Variants in HEXD observed in about 807,000 individuals in gnomAD.
HEXD encodes N-acetyl-beta-galactosaminidase.
In HEXD, 47 loss-of-function variants were observed where a neutral mutation model predicts 54.2. The ratio of observed to expected loss-of-function variants is 0.87; its 90% CI spans 0.69 to 1.11. The LOEUF is 1.11. Among genes scored for constraint, HEXD ranks in the 50% least tolerant of loss-of-function variants. HEXD has a pLI of 0.00. For synonymous variants in HEXD, 293 were observed against 287.6 expected (o/e 1.02, Z -0.19); for missense variants, 576 against 649.2 (o/e 0.89, Z 1.23).
At chr17:82,433,592 A>C in intron 4 of HEXD, 66 bp from the exon 5 acceptor site, 2 of 1,425,106 alleles carry the variant, frequency 1.4e-6, no homozygotes, top group Admixed American at 5.6e-5. Flanking sequence ...CAGAAGCCCC[A>C]GGTGGGCAGA....
intron 8 of HEXD, among the ~76,000 whole-genome samples, chr17:82,438,412 C>T (rs977441810): frequency 6.6e-6 from 1 of 152,178 alleles, no homozygotes; most frequent in African/African-American, 2.4e-5. Context: ...TAAGCACTTC[C>T]TCAGCTGTAA....
rs1246534787 is a variant in HEXD, at chr17:82,433,104, A to G, written c.283-554A>G. 1.4e-4 allele frequency among the ~76,000 whole-genome samples: 2 copies of G among 13,912 alleles called. 1 individual carries two copies. 9.1% of individuals were successfully genotyped at this position (13,912 alleles called of 152,430 possible). On this transcript the variant is annotated intron_variant, in intron 4 of 12. Coordinates refer to ENST00000327949, the MANE Select transcript of HEXD (RefSeq NM_001330542.2). The stretch of plus-strand genomic sequence containing the variant: ...AAAAAAAAAAAAAATATATATATAT[A>G]TATATATATATATATATATATATAT...
intron 11 of HEXD, 127 bp downstream of exon 11, chr17:82,441,393 T>G: frequency 3.2e-6 from 3 of 924,100 alleles, no homozygotes; most frequent in Admixed American, 3.7e-5. Context: ...CGGGCAGGCA[T>G]GGGGCAGGTG....
At chr17:82,427,195 C>T (rs1471276989) in intron 3 of HEXD, 1 of 150,426 alleles carries the variant, frequency 6.6e-6, no homozygotes, top group South Asian at 2.1e-4. Flanking sequence ...CCCAGCTACT[C>T]AGGAGGCTGA....
intron 3 of HEXD, among the ~76,000 whole-genome samples, chr17:82,428,304 A>G: frequency 6.6e-6 from 1 of 152,132 alleles, no homozygotes; most frequent in East Asian, 1.9e-4. Flanking sequence ...TTCTTGTAAA[A>G]TGTGATGACT....
At chr17:82,440,228 C>T (rs1474340402) in intron 9 of HEXD, 3 of 1,289,250 alleles carry the variant, frequency 2.3e-6, no homozygotes, top group African/African-American at 3.0e-5. Flanking sequence ...TCGCAGGCCA[C>T]ACGGGAAATT....
At position 82,442,557 on chromosome 17, in the gene HEXD, A is replaced by C; in HGVS notation, c.*173A>C. 6.3e-7 allele frequency: 1 copy of C among 1,584,400 alleles called. No individual in the cohort carries two copies. The highest frequency in any genetic ancestry group is 8.6e-7 in the Non-Finnish European group (1 of 1,156,150). ...GCCCCTGGGGGAGAGACTAGAAAAC[A>C]CAGAAGGAAGCAGCACAGGGAGACC... On this transcript the variant is annotated 3_prime_UTR_variant, in exon 13 of 13. Transcript: ENST00000327949. The surrounding 1 kb of genome is among the most constrained non-coding windows in gnomAD (Gnocchi z 6.8).
At chr17:82,432,198 G>A (rs1164017516) in intron 4 of HEXD, among the ~76,000 whole-genome samples, 14 of 152,182 alleles carry the variant, frequency 9.2e-5, no homozygotes, top group Admixed American at 9.2e-4. Flanking sequence ...GGTTCGCGCA[G>A]TTCCCACCTG....
chr17:82,433,140 T>A (rs2053658190), intron 4 of HEXD, among the ~76,000 whole-genome samples: 2 of 42,646 alleles, frequency 4.7e-5, no homozygotes, highest in Non-Finnish European at 7.4e-5. Flanking sequence ...TTTTTTTTTT[T>A]TTTTATATAT....
At chr17:82,432,888 C>T (rs1032570065) in intron 4 of HEXD, among the ~76,000 whole-genome samples, 4 of 145,078 alleles carry the variant, frequency 2.8e-5, no homozygotes, top group Non-Finnish European at 6.0e-5. Context: ...ACGGTGAAAC[C>T]CCGTCTCTAC....
intron 11 of HEXD, 93 bp downstream of exon 11, chr17:82,441,359 GGGTGAGGGGCAGGTGCA>G (rs1176158165): frequency 6.5e-5 from 90 of 1,380,960 alleles, no homozygotes; most frequent in Non-Finnish European, 8.1e-5. Context: ...AGGCAGGTGC[GGGTGAGGGGCAGGTGCA>G]GGTGAGCGGG....
intron 4 of HEXD, among the ~76,000 whole-genome samples, chr17:82,429,649 C>T (rs566980680): frequency 3.3e-5 from 5 of 152,256 alleles, no homozygotes; most frequent in South Asian, 4.1e-4. Flanking sequence ...CTGGGCCCCT[C>T]GGTAGCTTCT....
chr17:82,428,739 GC>G (rs1388469595), intron 4 of HEXD, 94 bp downstream of exon 4: 4 of 1,057,326 alleles, frequency 3.8e-6, no homozygotes, highest in Non-Finnish European at 5.9e-6. Context: ...GGTGCAGCGG[GC>G]CCATGGTTGG....
At chr17:82,441,399 A>G (rs2053957391) in intron 11 of HEXD, 133 bp downstream of exon 11, 2 of 755,738 alleles carry the variant, frequency 2.6e-6, no homozygotes, top group South Asian at 1.8e-5. Flanking sequence ...GGCATGGGGC[A>G]GGTGCGGGTG....
At chr17:82,440,183 G>A (rs1404495444) in intron 9 of HEXD, 29 of 1,290,304 alleles carry the variant, frequency 2.2e-5, no homozygotes, top group Non-Finnish European at 2.5e-5. Flanking sequence ...GGGGTCGGCA[G>A]GGGGCTTGGC....
rs111280030 is a variant in HEXD, at chr17:82,420,756, C to T, written c.84+873C>T. On this transcript the variant is annotated intron_variant, in intron 2 of 12. Transcript: ENST00000327949. ...CTAATTTTTGTATTTTTAGTAGAGACGGGGTTTCACCACATTGGCCAGGCT... is the reference window on the plus strand; with the variant it reads ...CTAATTTTTGTATTTTTAGTAGAGATGGGGTTTCACCACATTGGCCAGGCT... 5.2e-3 allele frequency among the ~76,000 whole-genome samples: 798 copies of T among 152,172 alleles called. 7 individuals are homozygous for T. Among genetic ancestry groups the T allele is most frequent in the African/African-American group, 0.018 (749 of 41,508 alleles).
chr17:82,433,021 A>C (rs1193552655), intron 4 of HEXD, among the ~76,000 whole-genome samples: 2 of 129,934 alleles, frequency 1.5e-5, no homozygotes, highest in East Asian at 2.5e-4. Context: ...AGCCGAGATC[A>C]TGCCACTGCA....
At chr17:82,433,091 A>AAATATAT (rs1555617647) in intron 4 of HEXD, among the ~76,000 whole-genome samples, 2 of 13,234 alleles carry the variant, frequency 1.5e-4, no homozygotes, top group African/African-American at 6.0e-4. Flanking sequence ...AAAAAAAAAA[A>AAATATAT]ATATATATAT....
chr17:82,438,359 G>A (rs146294346), intron 8 of HEXD, among the ~76,000 whole-genome samples: 1 of 152,346 alleles, frequency 6.6e-6, no homozygotes, highest in Non-Finnish European at 1.5e-5. Flanking sequence ...GTGTGGGGAT[G>A]CCAGGACTGT....
Sources: allele counts gnomAD v4.1 joint callset (sites outside exome capture counted in the v4.1 genomes callset), GRCh38; gene constraint gnomAD v4.1.1; non-coding constraint Gnocchi (gnomAD v3.1); transcripts MANE v1.5; gene names NCBI Gene and HGNC (gene_info 2026-07-23, HGNC 2026-07-21).